LMLN: variants seen among roughly 807,000 people sequenced by gnomAD.
LMLN encodes leishmanolysin like peptidase.
In LMLN, 70 loss-of-function variants were observed where a neutral mutation model predicts 92.3. That is an observed-to-expected ratio of 0.76 (90% confidence interval 0.63 to 0.92). The LOEUF (loss-of-function observed/expected upper bound fraction) is 0.92, where lower values mean the gene tolerates loss of function less well. Ranked by LOEUF, LMLN falls within the 40% of genes least tolerant of loss-of-function variation. LMLN has a pLI of 0.00. For synonymous variants in LMLN, 308 were observed against 296.2 expected (o/e 1.04, Z -0.41); for missense variants, 691 against 814.6 (o/e 0.85, Z 1.85).
chr3:198,005,264 A>G (rs888524326), intron 11 of LMLN, among the ~76,000 whole-genome samples: 2 of 146,138 alleles, frequency 1.4e-5, no homozygotes, highest in African/African-American at 5.1e-5. Flanking sequence ...ATACAGATAC[A>G]TATCATACGT....
chr3:197,994,631 A>C (rs1257629548), intron 9 of LMLN: 1 of 152,208 alleles, frequency 6.6e-6, no homozygotes, highest in Non-Finnish European at 1.5e-5. Flanking sequence ...CAAAGACTAA[A>C]ATTGGAATGA....
Position 198,019,439 on chromosome 3 carries a change from C to T in LMLN, c.1365+54C>T. The T allele has an allele frequency of 2.0e-6, 3 of 1,511,870 alleles. No individual in the cohort carries two copies. Among genetic ancestry groups the T allele is most frequent in the Non-Finnish European group, 2.7e-6 (3 of 1,120,692 alleles). The allele number at this position is 1,511,870 out of a possible 1,614,324, so 93.7% of individuals were successfully genotyped here. On this transcript the variant is annotated intron_variant, in intron 12 of 15. Transcript: ENST00000330198. This position sits in a 1 kb window ranked among gnomAD's most constrained non-coding sequence, Gnocchi z 5.5. The stretch of plus-strand genomic sequence containing the variant: ...GAATCAGCTTTTCAAAAGTAGTCTC[C>T]ATTTTAACTAAAAGAGTAAATTCTC...
rs1026080991 is a variant in LMLN at position 198,030,990 on chromosome 3, C to A, written c.1657-4843C>A. Among the ~76,000 whole-genome samples, 7 of 150,920 alleles carry A rather than the reference C, an allele frequency of 4.6e-5. 1 individual carries two copies. The highest frequency in any genetic ancestry group is 4.6e-4 in the Admixed American group (7 of 15,108). On this transcript the variant is annotated intron_variant, in intron 14 of 15. Coordinates refer to ENST00000330198, the Ensembl canonical transcript of LMLN. ...CCTCAGGGTCCTCAGCTAGTTTCCA[C>A]CGTGACGCCTGCTGACAGCGTGGGA...
intron 7 of LMLN, among the ~76,000 whole-genome samples, 178 bp downstream of exon 7, chr3:197,984,226 G>A (rs1022539170): frequency 6.6e-6 from 1 of 151,810 alleles, no homozygotes; most frequent in Non-Finnish European, 1.5e-5. Flanking sequence ...AATTAGCGGG[G>A]CATGGTGGTG....
At chr3:197,962,170 GT>G (rs896427235) in intron 1 of LMLN, among the ~76,000 whole-genome samples, 10 of 148,342 alleles carry the variant, frequency 6.7e-5, no homozygotes, top group South Asian at 4.3e-4. Flanking sequence ...TTTTCTAATT[GT>G]TTTTTTTTTA....
chr3:198,005,510 A>G (rs1722268020), intron 11 of LMLN, among the ~76,000 whole-genome samples: 1 of 152,204 alleles, frequency 6.6e-6, no homozygotes. Context: ...ATAATACAAT[A>G]TAAATGCTAT....
Position 198,005,950 on chromosome 3 carries a change from C to G in LMLN, c.1232+6608C>G, listed in dbSNP as rs148881254. On this transcript the variant is annotated intron_variant, in intron 11 of 15. Transcript: ENST00000330198. ...TGGCCAACATAGTGAAACCCCATCTCTACTAAAAATATAAAAATTAGCCAG... is the reference window on the plus strand; with the variant it reads ...TGGCCAACATAGTGAAACCCCATCTGTACTAAAAATATAAAAATTAGCCAG... Among the ~76,000 whole-genome samples, 682 of 152,186 alleles carry G rather than the reference C, an allele frequency of 4.5e-3. 2 individuals carry two copies. Among genetic ancestry groups the G allele is most frequent in the African/African-American group, 0.016 (659 of 41,522 alleles).
At chr3:197,977,919 TCAAA>T (rs1224184378) in intron 5 of LMLN, among the ~76,000 whole-genome samples, 22 of 151,576 alleles carry the variant, frequency 1.5e-4, no homozygotes, top group African/African-American at 5.3e-4. Flanking sequence ...ATAAAAATCA[TCAAA>T]CAATCTGGAA....
At chr3:198,036,166 G>A in intron 15 of LMLN, 123 bp downstream of exon 16, 2 of 803,446 alleles carry the variant, frequency 2.5e-6, no homozygotes, top group Non-Finnish European at 3.9e-6. Flanking sequence ...TCTGCTGATT[G>A]CATTTTTATG....
chr3:198,021,785 G>A (rs573642636), intron 13 of LMLN, among the ~76,000 whole-genome samples, 180 bp downstream of exon 14: 7 of 152,264 alleles, frequency 4.6e-5, no homozygotes, highest in African/African-American at 7.2e-5. Context: ...TCATCTGTAC[G>A]ATGGAGGCAA....
At chr3:198,012,647 C>G (rs1367930852) in intron 11 of LMLN, among the ~76,000 whole-genome samples, 13 of 146,064 alleles carry the variant, frequency 8.9e-5, no homozygotes, top group African/African-American at 2.8e-4. Flanking sequence ...TGACTTCTCT[C>G]CACCCTTCAG....
intron 10 of LMLN, among the ~76,000 whole-genome samples, chr3:197,998,621 A>G (rs187699586): frequency 5.9e-5 from 9 of 152,272 alleles, no homozygotes; most frequent in Admixed American, 3.9e-4. Context: ...CTGGTGTTCA[A>G]TGGAAAGATT....
chr3:197,988,046 T>C (rs1403929639), intron 8 of LMLN, among the ~76,000 whole-genome samples: 1 of 152,168 alleles, frequency 6.6e-6, no homozygotes, highest in Non-Finnish European at 1.5e-5. Context: ...TATTACTCCT[T>C]TTTCATGCTT....
intron 14 of LMLN, among the ~76,000 whole-genome samples, chr3:198,028,785 C>T (rs1052000751): frequency 5.9e-5 from 9 of 152,202 alleles, no homozygotes; most frequent in Non-Finnish European, 1.0e-4. Flanking sequence ...CTTCTCCCTT[C>T]GGAGGGAAGT....
rs373231446 is a variant in LMLN at position 197,974,493 on chromosome 3, T to G, written c.317+19T>G. The G allele has an allele frequency of 1.3e-5, 16 of 1,194,630 alleles. No homozygotes were observed. The highest frequency in any genetic ancestry group is 1.9e-5 in the Non-Finnish European group (16 of 846,542). 74.0% of individuals were successfully genotyped at this position (1,194,630 alleles called of 1,614,324 possible). A position where few individuals can be genotyped will look rare whatever the true frequency, so the allele number is the denominator to read the frequency against. ...TTGAAGAGTAAGTACACCATTGTAT[T>G]GTCATCTTTTTCATTATTAATCTAA... On this transcript the variant is annotated intron_variant, in intron 2 of 15. Transcript: ENST00000330198.
chr3:197,979,835 G>C (rs1721507113), intron 5 of LMLN, among the ~76,000 whole-genome samples: 2 of 152,154 alleles, frequency 1.3e-5, no homozygotes, highest in South Asian at 4.1e-4. Context: ...TTAGAAACAA[G>C]GGGAGATGAC....
chr3:198,035,571 C>T (rs1379950188), intron 14 of LMLN, among the ~76,000 whole-genome samples: 2 of 151,842 alleles, frequency 1.3e-5, no homozygotes, highest in African/African-American at 2.4e-5. Context: ...CCATGTTGGC[C>T]AGGATGATCT....
At chr3:197,960,387 G>A (rs750603412) in exon 1 of LMLN, 1 of 1,613,966 alleles carries the variant, frequency 6.2e-7, no homozygotes, top group South Asian at 1.1e-5. Flanking sequence ...ATCTACTCCC[G>A]TCTCCTTGGG....
intron 2 of LMLN, 97 bp from the exon 3 acceptor site, chr3:197,974,945 C>CA (rs1721326703): frequency 1.0e-5 from 8 of 787,274 alleles, no homozygotes; most frequent in Non-Finnish European, 1.8e-5. Context: ...AGAGCAGGCC[C>CA]AAGGCCTGCT....
Sources: allele counts gnomAD v4.1 joint callset (sites outside exome capture counted in the v4.1 genomes callset), GRCh38; gene constraint gnomAD v4.1.1; non-coding constraint Gnocchi (gnomAD v3.1); transcripts MANE v1.5; gene names NCBI Gene and HGNC (gene_info 2026-07-23, HGNC 2026-07-21).